Variants in RAD54B observed in about 807,000 individuals in gnomAD.
The protein encoded by RAD54B is RAD54 homolog B, also known as DNA repair and recombination protein RAD54B.
In RAD54B, 78 loss-of-function variants were observed where a neutral mutation model predicts 95.8. The observed-to-expected ratio is 0.81, with a 90% CI of 0.68 to 0.98. RAD54B has a LOEUF of 0.98. Ranked by LOEUF, RAD54B falls within the 50% of genes least tolerant of loss-of-function variation. RAD54B has a pLI of 0.00. For missense variants in RAD54B, 957 were observed against 1,056.6 expected (o/e 0.91, Z 1.31); for synonymous variants, 328 against 354.9 (o/e 0.92, Z 0.85).
chr8:94,447,573 T>C (rs1179486203), intron 3 of RAD54B, among the ~76,000 whole-genome samples: 1 of 152,162 alleles, frequency 6.6e-6, no homozygotes, highest in Admixed American at 6.5e-5. Flanking sequence ...AGATGAAAAG[T>C]ATGTGCCTGC....
intron 3 of RAD54B, among the ~76,000 whole-genome samples, chr8:94,418,074 C>T (rs1336618820): frequency 2.6e-5 from 4 of 152,150 alleles, no homozygotes; most frequent in South Asian, 2.1e-4. Context: ...ATGGATAACA[C>T]GTCATTTTTC....
At chr8:94,391,495 G>T in intron 10 of RAD54B, 114 bp downstream of exon 10, 1 of 1,106,690 alleles carries the variant, frequency 9.0e-7, no homozygotes. Flanking sequence ...AGCCAGCAGA[G>T]CTTTTTGAAA....
At chr8:94,432,261 ACAT>A (rs1586166044) in intron 3 of RAD54B, 1 of 1,550,244 alleles carries the variant, frequency 6.5e-7, no homozygotes, top group African/African-American at 1.4e-5. Context: ...CTTCTCCTGA[ACAT>A]ACAATCCAAA....
chr8:94,426,978 G>A (rs541354449), intron 3 of RAD54B, among the ~76,000 whole-genome samples: 1 of 152,178 alleles, frequency 6.6e-6, no homozygotes, highest in African/African-American at 2.4e-5. Flanking sequence ...AAGAATTGAT[G>A]GATAAATAGG....
intron 1 of RAD54B, among the ~76,000 whole-genome samples, chr8:94,473,988 A>G (rs564931744): frequency 6.6e-6 from 1 of 152,316 alleles, no homozygotes; most frequent in African/African-American, 2.4e-5. Flanking sequence ...CCAACTGTAG[A>G]TTAAGGTAAG....
intron 3 of RAD54B, among the ~76,000 whole-genome samples, chr8:94,424,473 T>C (rs904605628): frequency 6.6e-6 from 1 of 152,306 alleles, no homozygotes; most frequent in Non-Finnish European, 1.5e-5. Flanking sequence ...TTTTTAAAAT[T>C]ATGTAGGCCA....
intron 3 of RAD54B, among the ~76,000 whole-genome samples, chr8:94,436,196 A>AAGGGT (rs1381929516): frequency 6.6e-6 from 1 of 152,170 alleles, no homozygotes; most frequent in Non-Finnish European, 1.5e-5. Context: ...TTTAATTTTA[A>AAGGGT]AGCTTAAGAA....
At chr8:94,422,343 T>A (rs1159154413) in intron 3 of RAD54B, among the ~76,000 whole-genome samples, 1 of 151,506 alleles carries the variant, frequency 6.6e-6, no homozygotes, top group African/African-American at 2.4e-5. Context: ...TCCCAGCACT[T>A]TGGGAGGCTG....
chr8:94,422,617 AAT>A (rs1166692675), intron 3 of RAD54B, among the ~76,000 whole-genome samples: 3,932 of 43,434 alleles, frequency 0.091, 228 homozygotes, highest in Non-Finnish European at 0.096. Flanking sequence ...AAAAAAAAAA[AAT>A]ATATATATAT....
intron 3 of RAD54B, among the ~76,000 whole-genome samples, chr8:94,422,617 A>AATATATATATATATAT (rs1166692675): frequency 1.1e-4 from 5 of 43,572 alleles, no homozygotes; most frequent in African/African-American, 5.0e-4. Context: ...AAAAAAAAAA[A>AATATATATATATATAT]ATATATATAT....
intron 3 of RAD54B, among the ~76,000 whole-genome samples, chr8:94,420,549 C>T (rs1811779835): frequency 6.6e-6 from 1 of 151,922 alleles, no homozygotes; most frequent in African/African-American, 2.4e-5. Flanking sequence ...CACTCTTTGA[C>T]TTCCTACTTA....
chr8:94,456,564 G>A (rs533204058), intron 3 of RAD54B, among the ~76,000 whole-genome samples: 2 of 152,130 alleles, frequency 1.3e-5, no homozygotes, highest in South Asian at 4.1e-4. Flanking sequence ...GAGGCAAAAT[G>A]TTAGTAACTG....
At chr8:94,432,556 C>T in intron 3 of RAD54B, 1 of 1,550,270 alleles carries the variant, frequency 6.5e-7, no homozygotes, top group Non-Finnish European at 8.7e-7. Context: ...GGTTTAATGT[C>T]TTCTTCTTGC....
rs553868017 is a variant in RAD54B, at chr8:94,459,283, G to A, written c.136-847C>T. ...TCCTCCCACCTCAGCCTCCCTAGTA[G>A]CTGGAACTACAAGCATGTGCCACCA... On this transcript the variant is annotated intron_variant, in intron 2 of 14. Transcript: ENST00000336148. 5.9e-5 allele frequency among the ~76,000 whole-genome samples: 9 copies of A among 151,612 alleles called. No individual in the cohort carries two copies. In the South Asian group the frequency reaches 1.3e-3, roughly 21 times the overall value.
intron 1 of RAD54B, chr8:94,467,951 A>G (rs1249996790): frequency 6.4e-6 from 1 of 156,558 alleles, no homozygotes; most frequent in African/African-American, 2.4e-5. Flanking sequence ...ATTAGGGGAA[A>G]CAGGACTGAA....
At chr8:94,414,459 G>C (rs1811604853) in intron 3 of RAD54B, among the ~76,000 whole-genome samples, 1 of 152,096 alleles carries the variant, frequency 6.6e-6, no homozygotes, top group African/African-American at 2.4e-5. Flanking sequence ...TATTGGCTGT[G>C]GGTTTGTCAT....
At chr8:94,413,200 T>C (rs1329634764) in intron 3 of RAD54B, among the ~76,000 whole-genome samples, 3 of 152,144 alleles carry the variant, frequency 2.0e-5, no homozygotes, top group African/African-American at 7.2e-5. Flanking sequence ...TTTAGTAAAA[T>C]TGGCAAGTTG....
intron 3 of RAD54B, among the ~76,000 whole-genome samples, chr8:94,422,564 G>A (rs113103723): frequency 1.8e-5 from 2 of 110,608 alleles, no homozygotes; most frequent in Non-Finnish European, 3.4e-5. Flanking sequence ...CTCCAGCCTG[G>A]ACGATAGAGC....
intron 3 of RAD54B, among the ~76,000 whole-genome samples, chr8:94,416,827 T>C (rs1641417519): frequency 2.6e-5 from 4 of 152,120 alleles, no homozygotes; most frequent in Admixed American, 2.6e-4. Context: ...AGCATGACAG[T>C]TGCTCAAACA....
Sources: allele counts gnomAD v4.1 joint callset (sites outside exome capture counted in the v4.1 genomes callset), GRCh38; gene constraint gnomAD v4.1.1; transcripts MANE v1.5; gene names NCBI Gene and HGNC (gene_info 2026-07-23, HGNC 2026-07-21).